Variants in KIF16B observed in about 807,000 individuals in gnomAD.
The protein encoded by KIF16B is kinesin family member 16B.
KIF16B carries 98 observed loss-of-function variants against 156.3 expected under a neutral mutation model. The observed-to-expected ratio is 0.63, with a 90% CI of 0.53 to 0.74. The LOEUF (loss-of-function observed/expected upper bound fraction) is 0.74, where lower values mean the gene tolerates loss of function less well. Among genes scored for constraint, KIF16B ranks in the 30% least tolerant of loss-of-function variants. The pLI, the probability that KIF16B is intolerant of heterozygous loss-of-function variation, is 0.00. For synonymous variants in KIF16B, 564 were observed against 583.7 expected, an observed-to-expected ratio of 0.97 and a Z score of 0.49; for missense variants, 1,421 against 1,606.5, an observed-to-expected ratio of 0.88 and a Z score of 1.97.
chr20:16,428,900 T>C (rs773494175), intron 14 of KIF16B, 53 bp downstream of exon 14: 58 of 1,494,280 alleles, frequency 3.9e-5, no homozygotes, highest in Non-Finnish European at 5.2e-5. Context: ...AGTTCTTCCT[T>C]GAATACAACC....
chr20:16,299,951 A>G (rs1015290336), intron 25 of KIF16B, among the ~76,000 whole-genome samples: 1 of 152,194 alleles, frequency 6.6e-6, no homozygotes, highest in Non-Finnish European at 1.5e-5. Context: ...ATAGAAGAAC[A>G]TGAAGACCCT....
In KIF16B at chr20:16,316,775, C is replaced by T. The variant is rs565178615; in HGVS notation, c.3712-4357G>A. 2.0e-5 allele frequency among the ~76,000 whole-genome samples: 3 copies of T among 152,286 alleles called. No individual in the cohort carries two copies. In the South Asian group the frequency reaches 6.2e-4, roughly 32 times the overall value. On this transcript the variant is annotated intron_variant, in intron 24 of 25. Transcript: ENST00000354981. ...TCAAAATAGATCAACAAAAGCAATT[C>T]TCTGTAGGTTTCATTTCTGAAGTGT...
At chr20:16,434,670 A>T (rs1004616192) in intron 12 of KIF16B, among the ~76,000 whole-genome samples, 1 of 152,220 alleles carries the variant, frequency 6.6e-6, no homozygotes, top group Admixed American at 6.5e-5. Flanking sequence ...CACCAGGCAC[A>T]CAGTAGTCAC....
intron 25 of KIF16B, among the ~76,000 whole-genome samples, chr20:16,275,055 C>CT (rs4052896): frequency 0.049 from 6,882 of 140,354 alleles, 221 homozygotes; most frequent in African/African-American, 0.067. Flanking sequence ...ATAAATTGTA[C>CT]TTTTTTTTTT....
intron 25 of KIF16B, among the ~76,000 whole-genome samples, chr20:16,286,869 G>T (rs1177077619): frequency 2.0e-5 from 3 of 152,212 alleles, no homozygotes; most frequent in African/African-American, 7.2e-5. Flanking sequence ...GGTGGGGTTT[G>T]TGACTTGTTT....
intron 1 of KIF16B, among the ~76,000 whole-genome samples, chr20:16,569,032 G>T (rs1214767713): frequency 6.6e-6 from 1 of 151,946 alleles, no homozygotes; most frequent in Non-Finnish European, 1.5e-5. Context: ...TTGTGAATGG[G>T]ATTAGTACCC....
rs1212170306 is a variant in KIF16B at position 16,494,828 on chromosome 20, T to TA, written c.1243-479_1243-478insT. 3.3e-5 allele frequency among the ~76,000 whole-genome samples: 3 copies of TA among 92,220 alleles called. No individual in the cohort carries two copies. The Admixed American group carries it at 3.3e-4, about 10-fold the overall frequency. The allele number at this position is 92,220 out of a possible 152,430, so 60.5% of individuals were successfully genotyped here. On this transcript the variant is annotated intron_variant, in intron 11 of 25. Transcript: ENST00000354981. Reference sequence around the variant, plus strand: ...AGCTAATTAACAGGGCTTATAAACCTCATTCTATCTTTTTTTGTTGTTGAT... The same window carrying TA: ...AGCTAATTAACAGGGCTTATAAACCTACATTCTATCTTTTTTTGTTGTTGAT...
At chr20:16,378,456 G>A (rs975212659) in intron 19 of KIF16B, among the ~76,000 whole-genome samples, 1 of 151,962 alleles carries the variant, frequency 6.6e-6, no homozygotes, top group African/African-American at 2.4e-5. Context: ...AGGGAGATAA[G>A]AAAGAAGGAG....
chr20:16,356,982 T>A (rs1239073818), intron 22 of KIF16B, among the ~76,000 whole-genome samples: 1 of 152,232 alleles, frequency 6.6e-6, no homozygotes, highest in Non-Finnish European at 1.5e-5. Flanking sequence ...ATCTCAAGTA[T>A]TTTCTTTAGG....
intron 25 of KIF16B, among the ~76,000 whole-genome samples, chr20:16,277,596 C>A (rs1036913170): frequency 6.6e-6 from 1 of 151,800 alleles, no homozygotes; most frequent in Non-Finnish European, 1.5e-5. Context: ...AATTAAAATC[C>A]CCCTGTCAAA....
rs150000233 is a variant in KIF16B at position 16,442,389 on chromosome 20, C to T, written c.1303-12407G>A. ...ATATAAAATAGGTGCCTATCTAATG[C>T]GATGCTCAGTGTATATATATACATA... On this transcript the variant is annotated intron_variant, in intron 12 of 25. Coordinates refer to ENST00000354981, the MANE Select transcript of KIF16B (RefSeq NM_024704.5). 4.7e-3 allele frequency among the ~76,000 whole-genome samples: 683 copies of T among 146,478 alleles called. 3 individuals are homozygous for T. Among genetic ancestry groups the T allele is most frequent in the African/African-American group, 0.016 (627 of 39,480 alleles).
chr20:16,310,156 T>G (rs772947741), intron 25 of KIF16B, among the ~76,000 whole-genome samples: 2 of 152,230 alleles, frequency 1.3e-5, no homozygotes, highest in Non-Finnish European at 2.9e-5. Flanking sequence ...ATTTCAAAAG[T>G]AAGTGCTTAT....
chr20:16,528,159 C>G (rs2069618371), intron 2 of KIF16B, among the ~76,000 whole-genome samples: 1 of 152,088 alleles, frequency 6.6e-6, no homozygotes, highest in Admixed American at 6.6e-5. Context: ...GATTTGGCTT[C>G]CAGATCAAAT....
intron 25 of KIF16B, among the ~76,000 whole-genome samples, chr20:16,296,856 A>C (rs753299392): frequency 5.9e-5 from 9 of 152,230 alleles, no homozygotes; most frequent in South Asian, 4.1e-4. Flanking sequence ...GGATGAGATT[A>C]ATGTTTGAAT....
intron 24 of KIF16B, among the ~76,000 whole-genome samples, chr20:16,318,425 C>T (rs1201899936): frequency 3.3e-5 from 5 of 152,082 alleles, no homozygotes; most frequent in African/African-American, 9.7e-5. Context: ...AAAGAGGAAG[C>T]AAAGCGAGCC....
At chr20:16,458,498 G>T (rs1003147549) in intron 12 of KIF16B, among the ~76,000 whole-genome samples, 3 of 152,152 alleles carry the variant, frequency 2.0e-5, no homozygotes, top group Non-Finnish European at 2.9e-5. Context: ...TTTGATTAAT[G>T]ATCTCATGTG....
intron 7 of KIF16B, 70 bp downstream of exon 7, chr20:16,507,888 C>T (rs1477688903): frequency 6.5e-7 from 1 of 1,534,952 alleles, no homozygotes; most frequent in Non-Finnish European, 9.0e-7. Flanking sequence ...AATGATCAGT[C>T]CTCAGCTGGT....
At chr20:16,558,453 C>T (rs2070934888) in intron 1 of KIF16B, among the ~76,000 whole-genome samples, 1 of 152,242 alleles carries the variant, frequency 6.6e-6, no homozygotes, top group African/African-American at 2.4e-5. Flanking sequence ...CTCCCCTCTT[C>T]CGCTGGCTAA....
chr20:16,466,656 A>G (rs1168516525), intron 12 of KIF16B, among the ~76,000 whole-genome samples: 1 of 152,228 alleles, frequency 6.6e-6, no homozygotes, highest in African/African-American at 2.4e-5. Flanking sequence ...CTGTGAGTCC[A>G]TTAAACATCT....
Sources: allele counts gnomAD v4.1 joint callset (sites outside exome capture counted in the v4.1 genomes callset), GRCh38; gene constraint gnomAD v4.1.1; transcripts MANE v1.5; gene names NCBI Gene and HGNC (gene_info 2026-07-23, HGNC 2026-07-21).